PHF12: variants seen among roughly 807,000 people sequenced by gnomAD.
The protein encoded by PHF12 is PHD factor 1.
PHF12 carries 6 observed loss-of-function variants against 99.8 expected under a neutral mutation model. That is an observed-to-expected ratio of 0.06 (90% CI 0.03 to 0.12). The LOEUF is 0.12. Ranked by LOEUF, PHF12 falls within the 10% of genes least tolerant of loss-of-function variation. The pLI, the probability that PHF12 is intolerant of heterozygous loss-of-function variation, is 1.00. For synonymous variants in PHF12, 480 were observed against 514.9 expected, an observed-to-expected ratio of 0.93 and a Z score of 0.92; for missense variants, 954 against 1,300.1, an observed-to-expected ratio of 0.73 and a Z score of 4.09.
rs769830152 is a variant in PHF12, at chr17:28,913,071, A to C, written c.1500T>G (p.Ile500Met). ...SHYPLSCPSGISTQNSLSCSP... is the reference protein window; with the variant it reads ...SHYPLSCPSGMSTQNSLSCSP... ...AGCAGCTCAGGGAATTCTGGGTGCT[A>C]ATCCCTGAGGGGCAGGACAAGGGGT... Residue 500 changes from isoleucine (I) to methionine (M), a missense_variant, in exon 9 of 15, where the codon ATT becomes ATG. By Grantham distance (10) the Ile-to-Met change is conservative. Around this residue, in one of 8 missense-constraint regions of PHF12, gnomAD observed 392 missense variants for 423.1 expected, o/e 0.93. Coordinates refer to ENST00000332830, the MANE Select transcript of PHF12 (RefSeq NM_001033561.2). 3 of 1,614,160 alleles carry C rather than the reference A, an allele frequency of 1.9e-6. No homozygotes were observed. In the Admixed American group the frequency reaches 5.0e-5, roughly 27 times the overall value.
Position 28,913,021 on chromosome 17 carries a change from A to G in PHF12, c.1550T>C (p.Leu517Pro). ...ACAAGAACTGCAGCCGATGTCCTCT[A>G]GGGCTGGGGACTGGTGGGGTGGAGA... ...SCSPPHQSPA[L>P]EDIGCSSCAE... Residue 517 changes from leucine to proline, a missense_variant, in exon 9 of 15, where the codon CTA (leucine) becomes CCA (proline). Physicochemically the swap from Leu to Pro is moderately conservative, Grantham distance 98. Coordinates refer to ENST00000332830, the MANE Select transcript of PHF12 (RefSeq NM_001033561.2). The G allele has an allele frequency of 1.2e-6, 2 of 1,614,142 alleles. No homozygotes were observed. Among genetic ancestry groups the G allele is most frequent in the Non-Finnish European group, 1.7e-6 (2 of 1,180,016 alleles).
intron 13 of PHF12, chr17:28,907,247 T>C: frequency 1.9e-6 from 1 of 532,900 alleles, no homozygotes; most frequent in Non-Finnish European, 3.3e-6. Context: ...CTTGGTATGA[T>C]ACTCACTGGC....
At position 28,906,959 on chromosome 17, in the gene PHF12, C is replaced by G; in HGVS notation, c.2577G>C (p.Glu859Asp). 1.2e-6 allele frequency: 2 copies of G among 1,613,074 alleles called. No homozygotes were observed. Among genetic ancestry groups the G allele is most frequent in the Non-Finnish European group, 1.7e-6 (2 of 1,179,508 alleles). ...GCACATTGTCCACCGTTGTCCCATG[C>G]TCACTGTAGTTTAACAGCTCATAAT... ...TKHYELLNYS[E>D]HGTTVDNVLY... Residue 859 changes from glutamate (E) to aspartate (D), a missense_variant, in exon 14 of 15, where the codon GAG becomes GAC. Physicochemically the swap from Glu to Asp is conservative, Grantham distance 45. Around this residue, in one of 8 missense-constraint regions of PHF12, gnomAD observed 13 missense variants for 43.2 expected, o/e 0.30. Coordinates refer to ENST00000332830, the MANE Select transcript of PHF12 (RefSeq NM_001033561.2). The surrounding 1 kb of genome is among the most constrained non-coding windows in gnomAD (Gnocchi z 4.2).
chr17:28,932,183 G>A (rs1004595582), intron 2 of PHF12, among the ~76,000 whole-genome samples: 1 of 152,046 alleles, frequency 6.6e-6, no homozygotes, highest in Non-Finnish European at 1.5e-5. Context: ...CCAGGCTGGA[G>A]TGCAGTGGGG....
Position 28,950,196 on chromosome 17 carries a change from G to T in PHF12, c.117C>A (p.Arg39=). 1 of 1,613,166 alleles carries T rather than the reference G, an allele frequency of 6.2e-7. No homozygotes were observed. Among genetic ancestry groups the T allele is most frequent in the Non-Finnish European group, 8.5e-7 (1 of 1,179,974 alleles). Reference sequence around the variant, plus strand: ...GGGGCTCCTTCTCAGGCTTCCGACTGCGCTTTTCTGCCTCGTCCGTCTTGG... The same window carrying T: ...GGGGCTCCTTCTCAGGCTTCCGACTTCGCTTTTCTGCCTCGTCCGTCTTGG... The part of the protein sequence containing the change: ...APPKTDEAEK[R]SRKPEKEPRR... Residue 39 remains arginine (R), a synonymous_variant, in exon 2 of 15, where the codon CGC becomes CGA. Coordinates refer to ENST00000332830, the MANE Select transcript of PHF12 (RefSeq NM_001033561.2). The surrounding 1 kb of genome is among the most constrained non-coding windows in gnomAD (Gnocchi z 5.7).
At chr17:28,913,747 T>C in intron 8 of PHF12, 132 bp downstream of exon 8, 1 of 1,293,866 alleles carries the variant, frequency 7.7e-7, no homozygotes, top group Non-Finnish European at 1.0e-6. Flanking sequence ...CCTGGAATAC[T>C]CAACTCTTGA....
intron 9 of PHF12, 86 bp from the exon 10 acceptor site, chr17:28,911,323 T>A (rs761314195): frequency 1.3e-6 from 2 of 1,556,354 alleles, no homozygotes; most frequent in African/African-American, 1.4e-5. Context: ...AGGTCTGGAT[T>A]TCGGACCCAA....
intron 2 of PHF12, among the ~76,000 whole-genome samples, chr17:28,933,024 G>A (rs2040442379): frequency 6.6e-6 from 1 of 152,110 alleles, no homozygotes; most frequent in African/African-American, 2.4e-5. Context: ...ACAATTACAT[G>A]CACACCAGAG....
At position 28,912,708 on chromosome 17, in the gene PHF12, G is replaced by T; in HGVS notation, c.1863C>A (p.Val621=). The T allele has an allele frequency of 6.2e-7, 1 of 1,614,234 alleles. No homozygotes were observed. ...TGGGAATGGAAGGGGGCAGGCTTGG[G>T]ACAGGAACCAAACTCCTCTGGGGGC... The part of the protein sequence containing the change: ...SSCPQRSLVP[V]PSLPPSIPSS... The change falls in exon 9 of 15, where the codon GTC becomes GTA. Residue 621 remains valine, a synonymous_variant. Transcript: ENST00000332830.
chr17:28,919,379 CTCCT>C (rs2040119044), intron 5 of PHF12, 104 bp from the exon 6 acceptor site: 3 of 776,594 alleles, frequency 3.9e-6, no homozygotes, highest in Admixed American at 5.6e-5. Flanking sequence ...ACATTCTCCC[CTCCT>C]TGATCCTAAC....
chr17:28,945,952 G>A (rs1471910897), intron 2 of PHF12, among the ~76,000 whole-genome samples: 2 of 152,114 alleles, frequency 1.3e-5, no homozygotes, highest in Non-Finnish European at 2.9e-5. Flanking sequence ...TGACCAACAC[G>A]GTGAAACCCT....
chr17:28,951,383 G>A lies in PHF12; in HGVS notation c.-423C>T. 4.1e-6 allele frequency: 4 copies of A among 982,662 alleles called. No homozygotes were observed. The highest frequency in any genetic ancestry group is 4.8e-6 in the Non-Finnish European group (4 of 826,256). The allele number at this position is 982,662 out of a possible 1,614,324, so 60.9% of individuals were successfully genotyped here. A position where few individuals can be genotyped will look rare whatever the true frequency, so the allele number is the denominator to read the frequency against. On this transcript the variant is annotated 5_prime_UTR_variant, in exon 1 of 15. Transcript: ENST00000332830. Reference sequence around the variant, plus strand: ...GGTACGTGAGGTGACTGGGGGGAGGGTGATGGGGGGTGGTCCCCGGGCTCC... The same window carrying A: ...GGTACGTGAGGTGACTGGGGGGAGGATGATGGGGGGTGGTCCCCGGGCTCC...
intron 2 of PHF12, among the ~76,000 whole-genome samples, chr17:28,940,430 A>C (rs2040592811): frequency 6.6e-6 from 1 of 152,368 alleles, no homozygotes; most frequent in East Asian, 1.9e-4. Flanking sequence ...GTTTTTCATT[A>C]CTTTGAAAAT....
chr17:28,939,510 A>C (rs2040573986), intron 2 of PHF12, among the ~76,000 whole-genome samples: 1 of 152,280 alleles, frequency 6.6e-6, no homozygotes, highest in Admixed American at 6.5e-5. Flanking sequence ...TCTAAAGCTG[A>C]GAATCAGCAG....
rs143425049 is a variant in PHF12, at chr17:28,948,378, G to A, written c.248+1687C>T. Among the ~76,000 whole-genome samples, 927 of 152,322 alleles carry A rather than the reference G, an allele frequency of 6.1e-3. 3 individuals carry two copies. The highest frequency in any genetic ancestry group is 0.017 in the Middle Eastern group (5 of 294). On this transcript the variant is annotated intron_variant, in intron 2 of 14. Transcript: ENST00000332830. ...TTCTCCTAAGAATAGCAAAAGAAAT[G>A]TGACCAGAAATATCTTCTCCAGGTG...
intron 2 of PHF12, among the ~76,000 whole-genome samples, chr17:28,946,078 G>C (rs1283394692): frequency 6.6e-6 from 1 of 151,890 alleles, no homozygotes; most frequent in Non-Finnish European, 1.5e-5. Context: ...GTTGCAGTGA[G>C]CTGAGATTGC....
Position 28,924,174 on chromosome 17 carries a change from G to A in PHF12, c.450C>T (p.Ala150=). The A allele has an allele frequency of 1.9e-6, 3 of 1,614,210 alleles. No homozygotes were observed. The highest frequency in any genetic ancestry group is 2.5e-6 in the Non-Finnish European group (3 of 1,180,036). ...TTTCCAGGATCCGGGCATGGGCAAT[G>A]GCCTTTAGTTCAGTTTTGCTGGCCG... ...DRSASKTELK[A]IAHARILERR... The change falls in exon 4 of 15, where the codon GCC becomes GCT. Residue 150 remains alanine, a synonymous_variant. Coordinates refer to ENST00000332830, the MANE Select transcript of PHF12 (RefSeq NM_001033561.2).
chr17:28,907,244 T>G, intron 13 of PHF12: 1 of 533,996 alleles, frequency 1.9e-6, no homozygotes, highest in Non-Finnish European at 3.3e-6. Flanking sequence ...CCTCTTGGTA[T>G]GATACTCACT....
Position 28,913,182 on chromosome 17 carries a change from C to T in PHF12, c.1389G>A (p.Lys463=). The part of the protein sequence containing the change: ...PSHWDSEQTE[K]ADIKPVIVTD... ...TCACAATAACAGGCTTAATATCAGC[C>T]TTCTCTGTCTGTTCAGAGTCCCAAT... is the stretch of plus-strand genomic sequence containing the variant. The change falls in exon 9 of 15, where the codon AAG becomes AAA. Residue 463 remains lysine, a synonymous_variant. Transcript: ENST00000332830. 1 of 1,614,168 alleles carries T rather than the reference C, an allele frequency of 6.2e-7. No homozygotes were observed. Among genetic ancestry groups the T allele is most frequent in the Non-Finnish European group, 8.5e-7 (1 of 1,180,036 alleles).
Sources: gnomAD v4.1 joint callset for allele counts (sites outside exome capture counted in the v4.1 genomes callset) on GRCh38, gnomAD v4.1.1 for gene constraint, gnomAD v4.1.1 regional missense constraint, Gnocchi (gnomAD v3.1) non-coding constraint, MANE v1.5 for transcripts, NCBI Gene and HGNC (gene_info 2026-07-23, HGNC 2026-07-21) for gene names.